MYO1E: variants seen among roughly 807,000 people sequenced by gnomAD.
MYO1E encodes unconventional myosin-Ie.
MYO1E carries 68 observed loss-of-function variants against 151.1 expected under a neutral mutation model. That is an observed-to-expected ratio of 0.45 (90% CI 0.37 to 0.55). MYO1E has a LOEUF of 0.55. Ranked by LOEUF, MYO1E falls within the 20% of genes least tolerant of loss-of-function variation. The pLI, the probability that MYO1E is intolerant of heterozygous loss-of-function variation, is 0.00. For missense variants in MYO1E, 1,363 were observed against 1,389.3 expected (o/e 0.98, Z 0.30); for synonymous variants, 601 against 501.7 (o/e 1.20, Z -2.64).
chr15:59,308,605 G>T (rs1596410583), intron 1 of MYO1E, among the ~76,000 whole-genome samples: 1 of 151,446 alleles, frequency 6.6e-6, no homozygotes, highest in Non-Finnish European at 1.5e-5. Context: ...CCGGGAGGTG[G>T]AGGTTGCAGT....
intron 10 of MYO1E, among the ~76,000 whole-genome samples, chr15:59,216,388 A>C (rs543600332): frequency 1.3e-5 from 2 of 151,954 alleles, no homozygotes; most frequent in South Asian, 4.2e-4. Context: ...TTCTCTTTAA[A>C]ATACTCAGAA....
At chr15:59,145,925 C>T (rs1189430489) in intron 26 of MYO1E, among the ~76,000 whole-genome samples, 2 of 152,178 alleles carry the variant, frequency 1.3e-5, no homozygotes, top group African/African-American at 2.4e-5. Context: ...AGCACACTAC[C>T]ATCCTACCAT....
At chr15:59,285,179 C>A (rs2080379792) in intron 1 of MYO1E, among the ~76,000 whole-genome samples, 1 of 152,250 alleles carries the variant, frequency 6.6e-6, no homozygotes, top group Middle Eastern at 3.4e-3. Context: ...CTCTCACATG[C>A]CTCTGTGCCT....
chr15:59,271,380 A>G (rs1310492300), intron 2 of MYO1E, among the ~76,000 whole-genome samples: 1 of 152,254 alleles, frequency 6.6e-6, no homozygotes, highest in Non-Finnish European at 1.5e-5. Context: ...CCATGATACC[A>G]TACTTTCAGA....
chr15:59,299,484 C>T (rs1178014524), intron 1 of MYO1E, among the ~76,000 whole-genome samples: 1 of 152,166 alleles, frequency 6.6e-6, no homozygotes, highest in Non-Finnish European at 1.5e-5. Context: ...TTATGTTAGG[C>T]CTTGGGGATA....
intron 1 of MYO1E, among the ~76,000 whole-genome samples, chr15:59,306,177 G>T (rs1214031786): frequency 6.6e-6 from 1 of 152,080 alleles, no homozygotes; most frequent in African/African-American, 2.4e-5. Context: ...AAATCCCTTT[G>T]CAATATGTTA....
chr15:59,224,801 T>A lies in MYO1E; in HGVS notation c.665A>T (p.Glu222Val). 6.2e-7 allele frequency: 1 copy of A among 1,614,196 alleles called. No individual in the cohort carries two copies. Among genetic ancestry groups the A allele is most frequent in the South Asian group, 1.1e-5 (1 of 91,080 alleles). ...GGTGATGCCAAGGCTGTGTTTCTGC[T>A]CTGCAGAGGCGCCCTCGATGAGCTG... ...FYQLIEGASA[E>V]QKHSLGITSM... is the part of the protein sequence containing the mutation. Residue 222 changes from glutamate to valine, a missense_variant, in exon 8 of 28, where the codon GAG becomes GTG. Transcript: ENST00000288235.
intron 1 of MYO1E, among the ~76,000 whole-genome samples, chr15:59,319,007 T>A (rs1445501617): frequency 6.6e-6 from 1 of 152,176 alleles, no homozygotes; most frequent in Admixed American, 6.5e-5. Flanking sequence ...TGGGTAAGTG[T>A]CATTTTAAAA....
chr15:59,264,395 A>G (rs568204761), intron 2 of MYO1E, among the ~76,000 whole-genome samples: 1 of 152,336 alleles, frequency 6.6e-6, no homozygotes, highest in East Asian at 1.9e-4. Context: ...ATAAGCAGGT[A>G]CTGTTGCGTT....
chr15:59,166,533 A>G (rs1233663555), intron 22 of MYO1E, among the ~76,000 whole-genome samples: 3 of 152,128 alleles, frequency 2.0e-5, no homozygotes, highest in South Asian at 2.1e-4. Flanking sequence ...AACACCAAGG[A>G]AAGTCCTGAA....
intron 1 of MYO1E, among the ~76,000 whole-genome samples, chr15:59,316,330 T>C (rs1172717233): frequency 3.3e-5 from 5 of 152,154 alleles, no homozygotes; most frequent in Admixed American, 6.5e-5. Context: ...ATGCCATTTT[T>C]CCCTTGGCTT....
At chr15:59,291,861 A>G (rs2080421689) in intron 1 of MYO1E, among the ~76,000 whole-genome samples, 1 of 152,040 alleles carries the variant, frequency 6.6e-6, no homozygotes, top group Non-Finnish European at 1.5e-5. Flanking sequence ...TAAATAGACA[A>G]CAAAGAAAAG....
intron 5 of MYO1E, among the ~76,000 whole-genome samples, chr15:59,234,977 G>A (rs1263412769): frequency 6.6e-6 from 1 of 152,132 alleles, no homozygotes; most frequent in Non-Finnish European, 1.5e-5. Context: ...TACTGGTGAT[G>A]AGCGCCAAGC....
chr15:59,190,039 T>C (rs1387359828), intron 17 of MYO1E, among the ~76,000 whole-genome samples: 2 of 152,186 alleles, frequency 1.3e-5, no homozygotes, highest in African/African-American at 2.4e-5. Context: ...AGCACGGACA[T>C]GTGCCTTGTG....
At chr15:59,296,473 G>A (rs1280388474) in intron 1 of MYO1E, among the ~76,000 whole-genome samples, 17 of 152,174 alleles carry the variant, frequency 1.1e-4, no homozygotes, top group African/African-American at 2.9e-4. Flanking sequence ...ATGGCAGAGC[G>A]GGGGCTCCTA....
At chr15:59,325,369 C>A (rs1330749970) in intron 1 of MYO1E, among the ~76,000 whole-genome samples, 2 of 152,120 alleles carry the variant, frequency 1.3e-5, no homozygotes, top group Non-Finnish European at 2.9e-5. Context: ...AAAAGATCTC[C>A]AAATGACATA....
chr15:59,152,048 C>G (rs1239803992), intron 26 of MYO1E, among the ~76,000 whole-genome samples: 3 of 151,080 alleles, frequency 2.0e-5, no homozygotes, highest in Non-Finnish European at 4.4e-5. Flanking sequence ...AGCCTGGCAA[C>G]CGAGTGAGAC....
chr15:59,153,695 A>G lies in MYO1E; in HGVS notation c.2975T>C (p.Met992Thr), dbSNP rs200958039. 2.5e-6 allele frequency: 4 copies of G among 1,614,040 alleles called. No homozygotes were observed. The highest frequency in any genetic ancestry group is 3.4e-6 in the Non-Finnish European group (4 of 1,180,030). ...CTGCCGAGGCAAGGGCGGGCGGGCC[A>G]TGGAGGTGTACAGGCTTTTCTGATT... Reference protein sequence around the residue: ...RSNQKSLYTSMARPPLPRQQS... With the variant: ...RSNQKSLYTSTARPPLPRQQS... The change falls in exon 26 of 28, where the codon ATG (methionine) becomes ACG (threonine). Residue 992 changes from methionine (M) to threonine (T), a missense_variant. Transcript: ENST00000288235.
chr15:59,317,425 T>A (rs2080596079), intron 1 of MYO1E, among the ~76,000 whole-genome samples: 1 of 152,094 alleles, frequency 6.6e-6, no homozygotes, highest in Non-Finnish European at 1.5e-5. Flanking sequence ...TAGGGTAAAC[T>A]CTAAACTCAC....
Sources: gnomAD v4.1 joint callset for allele counts (sites outside exome capture counted in the v4.1 genomes callset) on GRCh38, gnomAD v4.1.1 for gene constraint, MANE v1.5 for transcripts, NCBI Gene and HGNC (gene_info 2026-07-23, HGNC 2026-07-21) for gene names.